Variants in LRRTM4 observed in about 807,000 individuals in gnomAD.
LRRTM4 encodes leucine rich repeat transmembrane neuronal 4.
Under a neutral mutation model 47.6 loss-of-function variants are expected in LRRTM4, and 25 were observed. The observed-to-expected ratio is 0.53, with a 90% confidence interval of 0.38 to 0.73. LRRTM4 has a LOEUF of 0.73. Ranked by LOEUF, LRRTM4 falls within the 30% of genes least tolerant of loss-of-function variation. The pLI, the probability that LRRTM4 is intolerant of heterozygous loss-of-function variation, is 0.00. For missense variants in LRRTM4, 638 were observed against 713.4 expected (o/e 0.89, Z 1.20); for synonymous variants, 311 against 269.5 (o/e 1.15, Z -1.51).
At chr2:77,495,369 A>C (rs1455262174) in intron 3 of LRRTM4, among the ~76,000 whole-genome samples, 1 of 151,958 alleles carries the variant, frequency 6.6e-6, no homozygotes, top group African/African-American at 2.4e-5. Flanking sequence ...TTTCCTTCAC[A>C]GTGCCTTTCA....
At chr2:76,924,907 A>C (rs1674541269) in intron 3 of LRRTM4, among the ~76,000 whole-genome samples, 1 of 152,088 alleles carries the variant, frequency 6.6e-6, no homozygotes, top group African/African-American at 2.4e-5. Context: ...CTTCACGGTA[A>C]CTTTAAAGCC....
At chr2:76,859,421 G>T (rs1165388700) in intron 3 of LRRTM4, among the ~76,000 whole-genome samples, 1 of 151,988 alleles carries the variant, frequency 6.6e-6, no homozygotes, top group Non-Finnish European at 1.5e-5. Context: ...TTCAATAAAT[G>T]AAAATTGTTA....
chr2:76,827,682 A>C (rs142406978), intron 3 of LRRTM4, among the ~76,000 whole-genome samples: 2,652 of 151,970 alleles, frequency 0.017, 30 homozygotes, highest in Non-Finnish European at 0.026. Flanking sequence ...TTATTTCTTA[A>C]ATTGTGTTTA....
intron 3 of LRRTM4, among the ~76,000 whole-genome samples, chr2:77,146,295 A>T (rs1672259594): frequency 2.6e-5 from 4 of 152,182 alleles, no homozygotes; most frequent in Admixed American, 2.0e-4. Context: ...AAGGCTATTT[A>T]CAAAAATTAT....
chr2:77,319,277 C>A (rs1436110738), intron 3 of LRRTM4, among the ~76,000 whole-genome samples: 1 of 151,914 alleles, frequency 6.6e-6, no homozygotes, highest in Non-Finnish European at 1.5e-5. Flanking sequence ...ATCCCAGCTA[C>A]TAGGGAGGTT....
chr2:77,241,870 C>T (rs944723538), intron 3 of LRRTM4, among the ~76,000 whole-genome samples: 5 of 151,928 alleles, frequency 3.3e-5, no homozygotes, highest in Non-Finnish European at 7.4e-5. Flanking sequence ...TATAGTTTCC[C>T]CAACACAACT....
At chr2:76,932,562 C>A (rs1177613648) in intron 3 of LRRTM4, among the ~76,000 whole-genome samples, 1 of 152,130 alleles carries the variant, frequency 6.6e-6, no homozygotes, top group Middle Eastern at 3.4e-3. Flanking sequence ...GGAATTTGGT[C>A]TCTTCTGTAC....
intron 3 of LRRTM4, among the ~76,000 whole-genome samples, chr2:76,908,323 G>C (rs1673923417): frequency 6.6e-6 from 1 of 152,036 alleles, no homozygotes; most frequent in Non-Finnish European, 1.5e-5. Flanking sequence ...CAATAAATTA[G>C]GTATTGATGG....
At chr2:77,153,871 C>T (rs1161616086) in intron 3 of LRRTM4, among the ~76,000 whole-genome samples, 5 of 152,062 alleles carry the variant, frequency 3.3e-5, no homozygotes, top group African/African-American at 1.2e-4. Context: ...GAAAAAGAAA[C>T]TTTTAATTAT....
intron 3 of LRRTM4, among the ~76,000 whole-genome samples, chr2:77,143,139 C>T (rs1421039740): frequency 6.6e-6 from 1 of 152,086 alleles, no homozygotes; most frequent in African/African-American, 2.4e-5. Context: ...TAATTATTAC[C>T]ATTATCCTAT....
chr2:77,374,853 T>A (rs2103778027), intron 3 of LRRTM4, among the ~76,000 whole-genome samples: 1 of 151,860 alleles, frequency 6.6e-6, no homozygotes, highest in Non-Finnish European at 1.5e-5. Context: ...CTCTCTCATC[T>A]CTTTTTGTGA....
intron 3 of LRRTM4, among the ~76,000 whole-genome samples, chr2:77,095,935 A>T (rs540816919): frequency 6.6e-6 from 1 of 152,312 alleles, no homozygotes; most frequent in South Asian, 2.1e-4. Context: ...TATAGGAATA[A>T]GTTTTATTAA....
chr2:77,095,710 A>G (rs1250418202), intron 3 of LRRTM4, among the ~76,000 whole-genome samples: 5 of 151,832 alleles, frequency 3.3e-5, no homozygotes, highest in Admixed American at 1.3e-4. Context: ...GGGTTTTTCC[A>G]TTTTGGCCAG....
chr2:77,114,855 AT>A (rs1270277721), intron 3 of LRRTM4, among the ~76,000 whole-genome samples: 2 of 152,130 alleles, frequency 1.3e-5, no homozygotes, highest in African/African-American at 4.8e-5. Context: ...GGCAATAAAG[AT>A]CACGAGGCAA....
rs565851944 is a variant in LRRTM4 at position 76,936,909 on chromosome 2, G to GGCATCACT, written c.1552-188001_1552-187994dup. Among the ~76,000 whole-genome samples, 457 of 123,446 alleles carry GGCATCACT rather than the reference G, an allele frequency of 3.7e-3. 1 individual carries two copies. Among genetic ancestry groups the GGCATCACT allele is most frequent in the African/African-American group, 0.012 (376 of 31,388 alleles). The allele number at this position is 123,446 out of a possible 152,430, so 81.0% of individuals were successfully genotyped here. ...GGCGGAAGTTGCAGTGAGCCGAGAT[G>GGCATCACT]GCATCACTGCACTCCAGCCTGGGCG... On this transcript the variant is annotated intron_variant, in intron 3 of 3. Coordinates refer to ENST00000409884, the MANE Select transcript of LRRTM4 (RefSeq NM_001134745.3).
At chr2:77,222,294 TAACTA>T (rs1558640694) in intron 3 of LRRTM4, among the ~76,000 whole-genome samples, 1 of 151,824 alleles carries the variant, frequency 6.6e-6, no homozygotes, top group Non-Finnish European at 1.5e-5. Flanking sequence ...ACAATTAAAA[TAACTA>T]GAGAAGCAAG....
chr2:77,319,694 C>T lies in LRRTM4; in HGVS notation c.1551+198624G>A, dbSNP rs60466622. Among the ~76,000 whole-genome samples, 1,117 of 152,216 alleles carry T rather than the reference C, an allele frequency of 7.3e-3. 10 individuals carry two copies. Among genetic ancestry groups the T allele is most frequent in the African/African-American group, 0.025 (1,039 of 41,546 alleles). On this transcript the variant is annotated intron_variant, in intron 3 of 3. Transcript: ENST00000409884. ...CAATTTCTCAAATAGGAGTGTATGT[C>T]GTACAAATGTAGCACTTTCTGAACA...
At chr2:77,255,755 GT>G (rs1317378083) in intron 3 of LRRTM4, among the ~76,000 whole-genome samples, 1 of 152,012 alleles carries the variant, frequency 6.6e-6, no homozygotes, top group Non-Finnish European at 1.5e-5. Context: ...AATATATGTG[GT>G]TTGTACCTCA....
chr2:77,002,300 C>T lies in LRRTM4; in HGVS notation c.1552-253384G>A, dbSNP rs1226763738. ...AGAAGGAGTGAAATTTGGTGTCCTACCCAGATTTCTAAAAGAGAAGCTGGA... is the reference window on the plus strand; with the variant it reads ...AGAAGGAGTGAAATTTGGTGTCCTATCCAGATTTCTAAAAGAGAAGCTGGA... On this transcript the variant is annotated intron_variant, in intron 3 of 3. Transcript: ENST00000409884. Among the ~76,000 whole-genome samples, 4 of 152,024 alleles carry T rather than the reference C, an allele frequency of 2.6e-5. No homozygotes were observed. In the East Asian group the frequency reaches 7.7e-4, roughly 29 times the overall value.
Sources: allele counts gnomAD v4.1 joint callset (sites outside exome capture counted in the v4.1 genomes callset), GRCh38; gene constraint gnomAD v4.1.1; transcripts MANE v1.5; gene names NCBI Gene and HGNC (gene_info 2026-07-23, HGNC 2026-07-21).